Variants in PIP5K1B observed in about 807,000 individuals in gnomAD.
PIP5K1B encodes phosphatidylinositol 4-phosphate 5-kinase type-1 beta.
A neutral mutation model predicts 67.0 loss-of-function variants in PIP5K1B; 42 were observed. The ratio of observed to expected loss-of-function variants is 0.63; its 90% CI spans 0.49 to 0.81. The LOEUF is 0.81. Ranked by LOEUF, PIP5K1B falls within the 30% of genes least tolerant of loss-of-function variation. The pLI is 0.00. For missense variants in PIP5K1B, 459 were observed against 646.3 expected (o/e 0.71, Z 3.14); for synonymous variants, 214 against 231.4 (o/e 0.92, Z 0.68).
At chr9:69,008,304 C>T in intron 15 of PIP5K1B, 143 bp from the exon 16 acceptor site, 1 of 747,690 alleles carries the variant, frequency 1.3e-6, no homozygotes, top group Non-Finnish European at 2.5e-6. Context: ...CTGATCATTG[C>T]AGAAGAATCC....
intron 14 of PIP5K1B, among the ~76,000 whole-genome samples, chr9:68,971,319 T>TA (rs1186648274): frequency 6.6e-6 from 1 of 152,230 alleles, no homozygotes; most frequent in Admixed American, 6.5e-5. Context: ...GCAAAGGACA[T>TA]AAACTCACTC....
chr9:68,990,860 C>T (rs1013510050), intron 14 of PIP5K1B, among the ~76,000 whole-genome samples: 4 of 151,896 alleles, frequency 2.6e-5, no homozygotes, highest in Non-Finnish European at 5.9e-5. Flanking sequence ...GACGGGGTTT[C>T]ACCATGTTGG....
chr9:68,870,259 T>C (rs1412176942), intron 5 of PIP5K1B, among the ~76,000 whole-genome samples: 2 of 152,176 alleles, frequency 1.3e-5, no homozygotes, highest in African/African-American at 4.8e-5. Flanking sequence ...ATGCACTGTT[T>C]GGTTGGGGAA....
intron 1 of PIP5K1B, among the ~76,000 whole-genome samples, chr9:68,722,139 G>C (rs1352792371): frequency 2.6e-5 from 4 of 152,098 alleles, no homozygotes; most frequent in Non-Finnish European, 5.9e-5. Context: ...TTCGAGTCCT[G>C]ACAGCAGGGA....
intron 1 of PIP5K1B, among the ~76,000 whole-genome samples, chr9:68,724,753 A>G (rs1331496973): frequency 6.6e-6 from 1 of 152,058 alleles, no homozygotes; most frequent in Non-Finnish European, 1.5e-5. Flanking sequence ...AAAAACTCTG[A>G]TGACTTTTGT....
intron 1 of PIP5K1B, among the ~76,000 whole-genome samples, chr9:68,734,442 G>A (rs1196647842): frequency 1.3e-5 from 2 of 152,196 alleles, no homozygotes; most frequent in East Asian, 1.9e-4. Context: ...TGGGAGGGAA[G>A]GACCATAAGA....
intron 6 of PIP5K1B, among the ~76,000 whole-genome samples, chr9:68,877,300 T>G (rs1398491915): frequency 2.0e-5 from 3 of 152,258 alleles, no homozygotes; most frequent in African/African-American, 7.2e-5. Flanking sequence ...GGGCATATTT[T>G]ATCCTCAGAT....
intron 4 of PIP5K1B, among the ~76,000 whole-genome samples, chr9:68,853,094 G>A (rs999406635): frequency 6.6e-6 from 1 of 152,170 alleles, no homozygotes; most frequent in Non-Finnish European, 1.5e-5. Flanking sequence ...AAAACAGAAA[G>A]AGAGCCTTGG....
chr9:68,830,251 A>G (rs1243147224), intron 4 of PIP5K1B, among the ~76,000 whole-genome samples: 1 of 152,160 alleles, frequency 6.6e-6, no homozygotes, highest in East Asian at 1.9e-4. Flanking sequence ...AGCATGTGTA[A>G]TCATATCACG....
intron 2 of PIP5K1B, among the ~76,000 whole-genome samples, chr9:68,815,274 A>G (rs1033730519): frequency 7.9e-5 from 12 of 151,806 alleles, no homozygotes; most frequent in African/African-American, 2.9e-4. Flanking sequence ...TATTAAAAAA[A>G]AAAAGAGTGA....
chr9:68,744,108 T>C (rs1271155803), intron 2 of PIP5K1B, among the ~76,000 whole-genome samples: 1 of 152,194 alleles, frequency 6.6e-6, no homozygotes, highest in Non-Finnish European at 1.5e-5. Context: ...AGGAGGTCCG[T>C]AGCCTCAGTT....
intron 2 of PIP5K1B, chr9:68,788,567 T>C: frequency 7.6e-6 from 2 of 263,126 alleles, no homozygotes; most frequent in South Asian, 4.1e-5. Context: ...ACAATGGTTC[T>C]GGTTTGGAAT....
At chr9:68,930,254 C>T (rs1826925867) in intron 12 of PIP5K1B, among the ~76,000 whole-genome samples, 2 of 152,094 alleles carry the variant, frequency 1.3e-5, no homozygotes, top group South Asian at 4.1e-4. Context: ...CAACTTACTC[C>T]CCACACTTCT....
chr9:68,889,727 T>C (rs1191740352), intron 7 of PIP5K1B, among the ~76,000 whole-genome samples: 1 of 122,156 alleles, frequency 8.2e-6, no homozygotes, highest in East Asian at 2.3e-4. Context: ...AGAGCGAGAC[T>C]CCTTCTCAAA....
At chr9:68,872,303 C>T (rs1452771136) in intron 5 of PIP5K1B, among the ~76,000 whole-genome samples, 1 of 152,226 alleles carries the variant, frequency 6.6e-6, no homozygotes, top group Non-Finnish European at 1.5e-5. Context: ...GTTCTCTGCA[C>T]TCGTGCTCCC....
chr9:68,852,990 A>T (rs919064406), intron 4 of PIP5K1B, among the ~76,000 whole-genome samples: 1 of 152,184 alleles, frequency 6.6e-6, no homozygotes, highest in African/African-American at 2.4e-5. Flanking sequence ...CAATTGTAGA[A>T]AGTTTTGAAG....
At chr9:68,971,985 G>A (rs758104759) in intron 14 of PIP5K1B, among the ~76,000 whole-genome samples, 8 of 152,134 alleles carry the variant, frequency 5.3e-5, no homozygotes, top group Non-Finnish European at 8.8e-5. Flanking sequence ...GAGCTCTTTA[G>A]TTTAATTAGA....
intron 4 of PIP5K1B, among the ~76,000 whole-genome samples, chr9:68,836,835 A>G (rs1244181548): frequency 2.0e-5 from 3 of 152,218 alleles, no homozygotes; most frequent in Non-Finnish European, 2.9e-5. Context: ...AGCATGTCTC[A>G]GGCATCCCTT....
At chr9:68,920,528 T>C (rs531246480) in intron 11 of PIP5K1B, among the ~76,000 whole-genome samples, 1 of 151,836 alleles carries the variant, frequency 6.6e-6, no homozygotes, top group African/African-American at 2.4e-5. Flanking sequence ...CCACGACGCC[T>C]GGCTAATTTT....
Sources: gnomAD v4.1 joint callset for allele counts (sites outside exome capture counted in the v4.1 genomes callset) on GRCh38, gnomAD v4.1.1 for gene constraint, MANE v1.5 for transcripts, NCBI Gene and HGNC (gene_info 2026-07-23, HGNC 2026-07-21) for gene names.